The following HERC1 variants were observed in gnomAD, a reference collection of about 807,000 sequenced individuals.
The protein encoded by HERC1 is probable E3 ubiquitin-protein ligase HERC1.
A neutral mutation model predicts 554.3 loss-of-function variants in HERC1; 160 were observed. The observed-to-expected ratio is 0.29, with a 90% CI of 0.25 to 0.33. The LOEUF (loss-of-function observed/expected upper bound fraction) is 0.33. HERC1 is among the 10% of genes least tolerant of loss of function. The pLI, the probability that HERC1 is intolerant of heterozygous loss-of-function variation, is 1.00. For synonymous variants in HERC1, 2,175 were observed against 2,131.7 expected (o/e 1.02, Z -0.56); for missense variants, 4,919 against 5,918.5 (o/e 0.83, Z 5.54).
intron 18 of HERC1, 22 bp from the exon 19 acceptor site, chr15:63,723,377 C>T: frequency 6.8e-7 from 1 of 1,470,896 alleles, no homozygotes; most frequent in Non-Finnish European, 9.2e-7. Context: ...ACTCACGTTA[C>T]CAATTTTAAC....
chr15:63,635,006 G>C (rs2068718809), intron 65 of HERC1, 118 bp from the exon 66 acceptor site: 2 of 661,612 alleles, frequency 3.0e-6, no homozygotes, highest in African/African-American at 3.8e-5. Flanking sequence ...CTGAAAACTG[G>C]ATCTTCAAAG....
At chr15:63,813,282 CACT>C (rs1428263870) in intron 1 of HERC1, among the ~76,000 whole-genome samples, 11 of 150,852 alleles carry the variant, frequency 7.3e-5, no homozygotes, top group Admixed American at 2.0e-4. Context: ...TCCCTCCCAC[CACT>C]ACAACAGTAC....
chr15:63,632,381 A>G, intron 68 of HERC1: 1 of 354,626 alleles, frequency 2.8e-6, no homozygotes, highest in Non-Finnish European at 5.3e-6. Context: ...AGAATGAGGC[A>G]GGACACAGAG....
chr15:63,802,782 C>T (rs1351248899), intron 1 of HERC1, among the ~76,000 whole-genome samples: 1 of 152,166 alleles, frequency 6.6e-6, no homozygotes, highest in Non-Finnish European at 1.5e-5. Flanking sequence ...GTTTAAGTTC[C>T]TATAAGTGAG....
chr15:63,703,548 A>T (rs986292992), intron 25 of HERC1, among the ~76,000 whole-genome samples: 1 of 152,108 alleles, frequency 6.6e-6, no homozygotes, highest in African/African-American at 2.4e-5. Context: ...ATGAGGGAAA[A>T]CATTTTACAT....
In HERC1 at chr15:63,814,619, GCTA is replaced by G. The variant is rs147176207; in HGVS notation, c.-27+19205_-27+19207del. 5.2e-3 allele frequency among the ~76,000 whole-genome samples: 799 copies of G among 152,248 alleles called. 6 individuals are homozygous for G. Among genetic ancestry groups the G allele is most frequent in the African/African-American group, 0.018 (742 of 41,532 alleles). On this transcript the variant is annotated intron_variant, in intron 1 of 77. Coordinates refer to ENST00000443617, the MANE Select transcript of HERC1 (RefSeq NM_003922.4). ...TTACAGGCGTGCACCATCACATCCA[GCTA>G]CTTTTTGTACTAGTTTTTGTATTTT...
chr15:63,685,666 C>T (rs998295145), intron 34 of HERC1, among the ~76,000 whole-genome samples: 2 of 152,184 alleles, frequency 1.3e-5, no homozygotes, highest in Non-Finnish European at 2.9e-5. Flanking sequence ...CCAATCTTAT[C>T]CCCCTGCATG....
Position 63,692,564 on chromosome 15 carries a change from C to T in HERC1, c.5677G>A (p.Ala1893Thr), listed in dbSNP as rs1369954364. The T allele has an allele frequency of 1.2e-6, 2 of 1,602,986 alleles. No homozygotes were observed. Among genetic ancestry groups the T allele is most frequent in the African/African-American group, 2.7e-5 (2 of 74,282 alleles). ...GETEKKDFRAALRKQHAAELH... is the reference protein window; with the variant it reads ...GETEKKDFRATLRKQHAAELH... ...TCGGCTGCATGTTGTTTCCTAAGAG[C>T]AGCTACAGTGAAGAGACAAGTTTAC... The change falls in exon 31 of 78, where the codon GCT becomes ACT. Residue 1893 changes from alanine (A) to threonine (T), a missense_variant and splice_region_variant. Physicochemically the swap from Ala to Thr is moderately conservative, Grantham distance 58. Around this residue, in one of 11 missense-constraint regions of HERC1, gnomAD observed 1,121 missense variants for 1,244.0 expected, o/e 0.90. Transcript: ENST00000443617. This position sits in a 1 kb window ranked among gnomAD's most constrained non-coding sequence, Gnocchi z 4.7.
At chr15:63,764,042 G>A (rs1320203825) in intron 3 of HERC1, 54 bp downstream of exon 3, 2 of 989,074 alleles carry the variant, frequency 2.0e-6, no homozygotes, top group Non-Finnish European at 2.9e-6. Context: ...ATAAATACAT[G>A]CCATAGCATT....
In HERC1 at chr15:63,718,938, G is replaced by A; in HGVS notation, c.3743-41C>T. ...ATGCATTGACATTTAAAAGGGCTCA[G>A]AAAACAGTTCAGAGGTAATTTTTAT... On this transcript the variant is annotated intron_variant, in intron 19 of 77. Coordinates refer to ENST00000443617, the MANE Select transcript of HERC1 (RefSeq NM_003922.4). The surrounding 1 kb of genome is among the most constrained non-coding windows in gnomAD (Gnocchi z 4.2). 1 of 1,400,564 alleles carries A rather than the reference G, an allele frequency of 7.1e-7. No homozygotes were observed. 86.8% of individuals were successfully genotyped at this position (1,400,564 alleles called of 1,614,324 possible).
intron 1 of HERC1, among the ~76,000 whole-genome samples, chr15:63,824,687 C>CTAACTCAGA (rs1425624152): frequency 1.3e-5 from 2 of 152,070 alleles, no homozygotes; most frequent in East Asian, 3.9e-4. Flanking sequence ...AGATATGGAA[C>CTAACTCAGA]CAACCTACAC....
chr15:63,725,338 T>C lies in HERC1; in HGVS notation c.3522A>G (p.Lys1174=), dbSNP rs753815483. The C allele has an allele frequency of 1.9e-6, 3 of 1,613,806 alleles. No individual in the cohort carries two copies. The highest frequency in any genetic ancestry group is 2.5e-6 in the Non-Finnish European group (3 of 1,179,822). Residue 1174 remains lysine (K), a synonymous_variant, in exon 18 of 78, where the codon AAA becomes AAG. Coordinates refer to ENST00000443617, the MANE Select transcript of HERC1 (RefSeq NM_003922.4). ...CTACACCGTCACTGAACAGTGGCGTTTTCATCCAATATGCAGTGTCCTGTT... is the reference window on the plus strand; with the variant it reads ...CTACACCGTCACTGAACAGTGGCGTCTTCATCCAATATGCAGTGTCCTGTT... ...PEEQDTAYWM[K]TPLFSDGVEM... is the part of the protein sequence containing the mutation.
intron 66 of HERC1, among the ~76,000 whole-genome samples, chr15:63,634,174 A>C (rs959494671): frequency 6.6e-6 from 1 of 152,252 alleles, no homozygotes; most frequent in African/African-American, 2.4e-5. Context: ...TTTTTTCTTC[A>C]AAGTGAAATC....
chr15:63,804,463 G>A (rs2077077289), intron 1 of HERC1, among the ~76,000 whole-genome samples: 1 of 152,144 alleles, frequency 6.6e-6, no homozygotes, highest in East Asian at 1.9e-4. Flanking sequence ...GCGGGCGCCT[G>A]TCATTCCAGC....
chr15:63,758,268 A>G lies in HERC1; in HGVS notation c.1128T>C (p.Val376=), dbSNP rs61751110. Residue 376 remains valine (V), a synonymous_variant, in exon 4 of 78, where the codon GTT becomes GTC. Coordinates refer to ENST00000443617, the MANE Select transcript of HERC1 (RefSeq NM_003922.4). The surrounding 1 kb of genome is among the most constrained non-coding windows in gnomAD (Gnocchi z 4.0). ...ACTGATGGCTGCTATTGCTCCCCCA[A>G]ACATAAACCTCACAGGTTTCGGAGA... is the stretch of plus-strand genomic sequence containing the variant. ...PIVSETCEVY[V]WGSNSSHQLV... is the part of the protein sequence containing the mutation. 6,769 of 1,613,782 alleles carry G rather than the reference A, an allele frequency of 4.2e-3. 19 individuals carry two copies. Among genetic ancestry groups the G allele is most frequent in the Non-Finnish European group, 5.1e-3 (5,983 of 1,179,744 alleles).
In HERC1 at chr15:63,631,628, C is replaced by T. The variant is rs1425398890; in HGVS notation, c.12797-993G>A. The stretch of plus-strand genomic sequence containing the variant: ...AATCTTGGCTCACTGCAACCTCTGC[C>T]TTCCAGGTTCAAGCAATTCTCCCTG... On this transcript the variant is annotated intron_variant, in intron 68 of 77. Transcript: ENST00000443617. Among the ~76,000 whole-genome samples the T allele has an allele frequency of 4.6e-5, 7 of 152,318 alleles. No individual in the cohort carries two copies. The South Asian group carries it at 1.4e-3, about 32-fold the overall frequency.
chr15:63,790,621 AT>A (rs10717064), intron 1 of HERC1, among the ~76,000 whole-genome samples: 72,343 of 151,570 alleles, frequency 0.48, 18,200 homozygotes, highest in Non-Finnish European at 0.55. Context: ...AAATACTAGA[AT>A]AATAGACACC....
chr15:63,672,461 T>C (rs1356896813), intron 39 of HERC1, 35 bp downstream of exon 39: 1 of 1,459,438 alleles, frequency 6.9e-7, no homozygotes, highest in Non-Finnish European at 9.3e-7. Flanking sequence ...AACACAGGCA[T>C]CAGTATGGCA....
chr15:63,680,617 A>G lies in HERC1; in HGVS notation c.6385T>C (p.Ser2129Pro), dbSNP rs200126551. ...ATGAAATCTCCTTGAGTAAAGCTGG[A>G]CAATGTGAGAGTCTGTTCTCCATTG... The part of the protein sequence containing the change: ...YHNGEQTLTL[S>P]SFTQGDFITC... The change falls in exon 35 of 78, where the codon TCC (serine) becomes CCC (proline). Residue 2129 changes from serine (S) to proline (P), a missense_variant. Physicochemically the swap from Ser to Pro is moderately conservative, Grantham distance 74 (BLOSUM62 -1). Transcript: ENST00000443617. The surrounding 1 kb of genome is among the most constrained non-coding windows in gnomAD (Gnocchi z 5.8). The G allele has an allele frequency of 4.8e-5, 77 of 1,613,704 alleles. No individual in the cohort carries two copies. The highest frequency in any genetic ancestry group is 3.6e-5 in the Non-Finnish European group (43 of 1,179,758).
Sources: gnomAD v4.1 joint callset for allele counts (sites outside exome capture counted in the v4.1 genomes callset) on GRCh38, gnomAD v4.1.1 for gene constraint, gnomAD v4.1.1 regional missense constraint, Gnocchi (gnomAD v3.1) non-coding constraint, MANE v1.5 for transcripts, NCBI Gene and HGNC (gene_info 2026-07-23, HGNC 2026-07-21) for gene names.